The following MICU1 variants were observed in gnomAD, a reference collection of about 807,000 sequenced individuals.
The protein encoded by MICU1 is mitochondrial calcium uptake 1.
Under a neutral mutation model 56.8 loss-of-function variants are expected in MICU1, and 45 were observed. That is an observed-to-expected ratio of 0.79 (90% confidence interval 0.62 to 1.02). MICU1 has a LOEUF of 1.02. MICU1 is among the 50% of genes least tolerant of loss of function. MICU1 has a pLI of 0.00. For synonymous variants in MICU1, 186 were observed against 195.1 expected (o/e 0.95, Z 0.39); for missense variants, 504 against 587.1 (o/e 0.86, Z 1.46).
intron 1 of MICU1, among the ~76,000 whole-genome samples, chr10:72,578,798 G>A (rs1840821078): frequency 6.6e-6 from 1 of 151,956 alleles, no homozygotes; most frequent in African/African-American, 2.4e-5. Flanking sequence ...AGTGGGACGG[G>A]GTTTCACCAT....
chr10:72,605,933 C>A (rs1229026090), intron 1 of MICU1, among the ~76,000 whole-genome samples: 1 of 151,910 alleles, frequency 6.6e-6, no homozygotes, highest in Non-Finnish European at 1.5e-5. Flanking sequence ...GAGTTCAAGA[C>A]CAGCCTGGTC....
At chr10:72,447,632 G>T (rs1865145715) in intron 8 of MICU1, among the ~76,000 whole-genome samples, 1 of 151,796 alleles carries the variant, frequency 6.6e-6, no homozygotes. Context: ...CAATTTCACA[G>T]ATGCAATATA....
intron 1 of MICU1, among the ~76,000 whole-genome samples, chr10:72,604,481 C>G (rs752007185): frequency 3.9e-5 from 6 of 152,038 alleles, no homozygotes; most frequent in Non-Finnish European, 8.8e-5. Flanking sequence ...CCACGTTGGT[C>G]AGGCTGGTCT....
intron 1 of MICU1, among the ~76,000 whole-genome samples, chr10:72,596,104 GCCTCCC>G: frequency 2.0e-5 from 3 of 151,376 alleles, no homozygotes; most frequent in Admixed American, 2.0e-4. Context: ...TCCCGCCTCA[GCCTCCC>G]CAGTAGCTGG....
At chr10:72,403,651 G>C (rs954611319) in intron 10 of MICU1, among the ~76,000 whole-genome samples, 3 of 151,156 alleles carry the variant, frequency 2.0e-5, no homozygotes, top group African/African-American at 7.3e-5. Flanking sequence ...GTGTGTGTGT[G>C]TGTGTGTGTG....
At chr10:72,548,327 T>G (rs1190364820) in intron 4 of MICU1, among the ~76,000 whole-genome samples, 1 of 152,186 alleles carries the variant, frequency 6.6e-6, no homozygotes, top group Non-Finnish European at 1.5e-5. Context: ...ATCAATCAAA[T>G]GCAGTGTAGA....
At position 72,568,693 on chromosome 10, in the gene MICU1, C is replaced by T. The variant is rs1840508177; in HGVS notation, c.-1-1899G>A. On this transcript the variant is annotated intron_variant, in intron 1 of 11. Coordinates refer to ENST00000361114, the MANE Select transcript of MICU1 (RefSeq NM_001195518.2). ...AAAGATTTGGGTGTTGTTTGTTGCC[C>T]CATCAATAGCCAACTAATTCAGCAT... is the stretch of plus-strand genomic sequence containing the variant. 4.0e-5 allele frequency among the ~76,000 whole-genome samples: 6 copies of T among 151,886 alleles called. No individual in the cohort carries two copies. In the South Asian group the frequency reaches 1.0e-3, roughly 26 times the overall value.
chr10:72,563,963 C>T (rs1840362134), intron 2 of MICU1, among the ~76,000 whole-genome samples: 1 of 151,870 alleles, frequency 6.6e-6, no homozygotes, highest in African/African-American at 2.4e-5. Context: ...TAAAAAGGAA[C>T]ATAAATAAAG....
chr10:72,559,326 T>A (rs1438613095), intron 3 of MICU1, among the ~76,000 whole-genome samples: 1 of 152,156 alleles, frequency 6.6e-6, no homozygotes, highest in Non-Finnish European at 1.5e-5. Flanking sequence ...CATTTCTTTT[T>A]TAAAAAACAA....
At chr10:72,547,212 T>C (rs972062487) in intron 4 of MICU1, among the ~76,000 whole-genome samples, 34 of 151,936 alleles carry the variant, frequency 2.2e-4, no homozygotes, top group African/African-American at 8.0e-4. Flanking sequence ...TTTTTTACTT[T>C]TATTTTTATA....
rs376419431 is a variant in MICU1, at chr10:72,566,680, G to C, written c.114C>G (p.Phe38Leu). The change falls in exon 2 of 12, where the codon TTC becomes TTG. Residue 38 changes from phenylalanine (F) to leucine (L), a missense_variant. Physicochemically the swap from Phe to Leu is conservative, Grantham distance 22 (BLOSUM62 0). Coordinates refer to ENST00000361114, the MANE Select transcript of MICU1 (RefSeq NM_001195518.2). ...TTGCAGTTACTGCAGATGCTCCCAGGAAAGCCACCATCATTAGTCTTCGCC... is the reference window on the plus strand; with the variant it reads ...TTGCAGTTACTGCAGATGCTCCCAGCAAAGCCACCATCATTAGTCTTCGCC... ...QIRRRLMMVA[F>L]LGASAVTAST... is the part of the protein sequence containing the mutation. 2 of 1,613,042 alleles carry C rather than the reference G, an allele frequency of 1.2e-6. No individual in the cohort carries two copies. The highest frequency in any genetic ancestry group is 1.7e-6 in the Non-Finnish European group (2 of 1,179,500).
intron 6 of MICU1, among the ~76,000 whole-genome samples, chr10:72,496,300 CTTTTTTT>C (rs565571067): frequency 3.7e-5 from 5 of 134,294 alleles, no homozygotes; most frequent in Admixed American, 7.5e-5. Flanking sequence ...TGGCTAATTC[CTTTTTTT>C]TTTTTTTTTT....
chr10:72,621,946 C>T (rs1263277274), intron 1 of MICU1, among the ~76,000 whole-genome samples: 1 of 152,102 alleles, frequency 6.6e-6, no homozygotes, highest in African/African-American at 2.4e-5. Context: ...CAGAATCTTG[C>T]TCTGTCGCCC....
At position 72,475,407 on chromosome 10, in the gene MICU1, T is replaced by C. The variant is rs1866086264; in HGVS notation, c.736-110A>G. The C allele has an allele frequency of 2.9e-6, 3 of 1,036,778 alleles. No homozygotes were observed. The South Asian group carries it at 5.3e-5, about 18-fold the overall frequency. The allele number at this position is 1,036,778 out of a possible 1,614,324, so 64.2% of individuals were successfully genotyped here. A position where few individuals can be genotyped will look rare whatever the true frequency, so the allele number is the denominator to read the frequency against. ...TTTACTATTTGCCTACTCTGTATTA[T>C]AATTATCTCTTTTAATGCTTACAAC... On this transcript the variant is annotated intron_variant, in intron 7 of 11. Coordinates refer to ENST00000361114, the MANE Select transcript of MICU1 (RefSeq NM_001195518.2).
intron 1 of MICU1, among the ~76,000 whole-genome samples, chr10:72,584,454 T>C (rs1360826991): frequency 2.0e-5 from 3 of 152,220 alleles, no homozygotes; most frequent in Admixed American, 6.5e-5. Context: ...GTTCAGATCA[T>C]AAATAAGGTT....
chr10:72,542,808 A>C (rs1839806742), intron 4 of MICU1, among the ~76,000 whole-genome samples: 1 of 152,218 alleles, frequency 6.6e-6, no homozygotes, highest in South Asian at 2.1e-4. Flanking sequence ...GTGTCCAGGA[A>C]AATTGAGGTC....
At position 72,445,726 on chromosome 10, in the gene MICU1, T is replaced by C. The variant is rs145081614; in HGVS notation, c.934-22355A>G. Among the ~76,000 whole-genome samples, 1,061 of 152,296 alleles carry C rather than the reference T, an allele frequency of 7.0e-3. 6 individuals carry two copies. The highest frequency in any genetic ancestry group is 0.01 in the Non-Finnish European group (706 of 68,022). ...TTAGGCAGACTTGGGTTTGGTTTTT[T>C]CCTTGGTTATGTATCAACTGTGTAC... is the stretch of plus-strand genomic sequence containing the variant. On this transcript the variant is annotated intron_variant, in intron 8 of 11. Transcript: ENST00000361114.
intron 2 of MICU1, among the ~76,000 whole-genome samples, chr10:72,564,266 C>T (rs1050416227): frequency 2.0e-5 from 3 of 152,122 alleles, no homozygotes; most frequent in South Asian, 4.1e-4. Flanking sequence ...CCTGGCCAGG[C>T]GTGGTGACTC....
At chr10:72,422,001 C>G (rs909743046) in intron 9 of MICU1, among the ~76,000 whole-genome samples, 7 of 152,124 alleles carry the variant, frequency 4.6e-5, no homozygotes, top group Admixed American at 4.6e-4. Flanking sequence ...TCACACATAC[C>G]AGGTTTGTTT....
Sources: allele counts gnomAD v4.1 joint callset (sites outside exome capture counted in the v4.1 genomes callset), GRCh38; gene constraint gnomAD v4.1.1; transcripts MANE v1.5; gene names NCBI Gene and HGNC (gene_info 2026-07-23, HGNC 2026-07-21).